The following FBXO10 variants were observed in gnomAD, a reference collection of about 807,000 sequenced individuals.
The protein encoded by FBXO10 is F-box protein 10.
FBXO10 carries 39 observed loss-of-function variants against 80.7 expected under a neutral mutation model. That is an observed-to-expected ratio of 0.48 (90% CI 0.37 to 0.63). The LOEUF (loss-of-function observed/expected upper bound fraction) is 0.63. Ranked by LOEUF, FBXO10 falls within the 30% of genes least tolerant of loss-of-function variation. The pLI, the probability that FBXO10 is intolerant of heterozygous loss-of-function variation, is 0.00. For synonymous variants in FBXO10, 449 were observed against 489.6 expected (o/e 0.92, Z 1.09); for missense variants, 1,025 against 1,269.0 (o/e 0.81, Z 2.92).
intron 1 of FBXO10, among the ~76,000 whole-genome samples, chr9:37,546,396 G>C (rs1471376722): frequency 6.6e-6 from 1 of 152,116 alleles, no homozygotes; most frequent in Non-Finnish European, 1.5e-5. Context: ...CTAGGCTGAA[G>C]GCTGGGCTGC....
chr9:37,544,642 T>G (rs1822006206), intron 1 of FBXO10, among the ~76,000 whole-genome samples: 1 of 152,126 alleles, frequency 6.6e-6, no homozygotes, highest in South Asian at 2.1e-4. Context: ...TTCTGCAGAT[T>G]TGTACTGGAG....
chr9:37,531,021 C>T (rs72739670), intron 4 of FBXO10, among the ~76,000 whole-genome samples: 432 of 152,318 alleles, frequency 2.8e-3, no homozygotes, highest in Non-Finnish European at 4.7e-3. Context: ...ATTCAAATCC[C>T]AGCTCTGTCA....
intron 10 of FBXO10, among the ~76,000 whole-genome samples, chr9:37,514,553 C>CG (rs1821136329): frequency 6.6e-6 from 1 of 151,692 alleles, no homozygotes; most frequent in African/African-American, 2.4e-5. Context: ...ATAGGTATAC[C>CG]GGTGAGGCGC....
intron 5 of FBXO10, among the ~76,000 whole-genome samples, chr9:37,526,824 TA>T (rs1469091971): frequency 1.5e-3 from 10 of 6,586 alleles, no homozygotes; most frequent in Admixed American, 8.5e-3. Flanking sequence ...TAAAATATTT[TA>T]TTTATTTATT....
At chr9:37,521,469 T>C in intron 8 of FBXO10, 100 bp downstream of exon 8, 1 of 1,340,558 alleles carries the variant, frequency 7.5e-7, no homozygotes. Context: ...AAAGTTTACT[T>C]TTAAATTTAA....
In FBXO10 at chr9:37,521,552, T is replaced by C; in HGVS notation, c.2200+17A>G. 6.4e-7 allele frequency: 1 copy of C among 1,571,932 alleles called. No homozygotes were observed. ...CCATGGAAGGTTCTTGAGCAGGGGC[T>C]GAGGGGGTATACTCACCTCCATTGT... On this transcript the variant is annotated intron_variant, in intron 8 of 10. Transcript: ENST00000432825.
intron 1 of FBXO10, among the ~76,000 whole-genome samples, chr9:37,556,684 C>T (rs922973283): frequency 6.6e-6 from 1 of 151,912 alleles, no homozygotes; most frequent in Non-Finnish European, 1.5e-5. Flanking sequence ...GCTGGGATTA[C>T]AGGTGTGTGC....
At position 37,522,811 on chromosome 9, in the gene FBXO10, A is replaced by G; in HGVS notation, c.1930+14T>C. 1 of 1,551,626 alleles carries G rather than the reference A, an allele frequency of 6.4e-7. No individual in the cohort carries two copies. The highest frequency in any genetic ancestry group is 8.7e-7 in the Non-Finnish European group (1 of 1,146,920). On this transcript the variant is annotated intron_variant, in intron 7 of 10. Coordinates refer to ENST00000432825, the MANE Select transcript of FBXO10 (RefSeq NM_012166.3). ...TTCCTGCCTCCCCGGCTGGGTTGGGAACAAGCTCCTCACCGTAGATGGTAT... is the reference window on the plus strand; with the variant it reads ...TTCCTGCCTCCCCGGCTGGGTTGGGGACAAGCTCCTCACCGTAGATGGTAT...
At chr9:37,568,441 G>A (rs140462864) in intron 1 of FBXO10, among the ~76,000 whole-genome samples, 1,579 of 152,114 alleles carry the variant, frequency 0.01, 22 homozygotes, top group African/African-American at 0.036. Flanking sequence ...CAGGCAAACC[G>A]CCCACCTCAG....
At chr9:37,564,722 A>G (rs887722777) in intron 1 of FBXO10, among the ~76,000 whole-genome samples, 4 of 152,230 alleles carry the variant, frequency 2.6e-5, no homozygotes, top group African/African-American at 7.2e-5. Flanking sequence ...TGGAGTGGGT[A>G]TATTTACCCA....
intron 1 of FBXO10, among the ~76,000 whole-genome samples, chr9:37,542,241 G>C (rs1821939002): frequency 6.6e-6 from 1 of 152,178 alleles, no homozygotes; most frequent in Non-Finnish European, 1.5e-5. Flanking sequence ...TCCTACTCTA[G>C]ATTTTTCCAC....
At chr9:37,555,670 T>C (rs555191531) in intron 1 of FBXO10, among the ~76,000 whole-genome samples, 1 of 152,096 alleles carries the variant, frequency 6.6e-6, no homozygotes, top group Admixed American at 6.6e-5. Flanking sequence ...CGTGAGCCAC[T>C]GCGCCTGGTC....
intron 1 of FBXO10, among the ~76,000 whole-genome samples, chr9:37,572,414 A>G (rs1224552015): frequency 6.6e-6 from 1 of 152,196 alleles, no homozygotes; most frequent in Non-Finnish European, 1.5e-5. Context: ...CAGAAACTAT[A>G]AGCAACTCAA....
In FBXO10 at chr9:37,532,788, C is replaced by G. The variant is rs567568437; in HGVS notation, c.1420-730G>C. 7.9e-5 allele frequency among the ~76,000 whole-genome samples: 12 copies of G among 152,322 alleles called. No homozygotes were observed. In the East Asian group the frequency reaches 2.3e-3, roughly 29 times the overall value. On this transcript the variant is annotated intron_variant, in intron 3 of 10. Coordinates refer to ENST00000432825, the MANE Select transcript of FBXO10 (RefSeq NM_012166.3). ...CTGAGTGGTCTTCAAACTTTACATG[C>G]ACTAAGTTTGCATGAAGATTTCCCC...
rs1042008798 is a variant in FBXO10 at position 37,512,686 on chromosome 9, C to T, written c.2732G>A (p.Arg911Gln). 5 of 1,613,932 alleles carry T rather than the reference C, an allele frequency of 3.1e-6. No homozygotes were observed. The highest frequency in any genetic ancestry group is 1.3e-5 in the African/African-American group (1 of 75,040). Residue 911 changes from arginine to glutamine, a missense_variant, in exon 11 of 11, where the codon CGG becomes CAG. Physicochemically the swap from Arg to Gln is conservative, Grantham distance 43 (BLOSUM62 1). This residue lies in a region of FBXO10 where 97 missense variants were observed against 101.8 expected (regional missense o/e 0.95). Coordinates refer to ENST00000432825, the MANE Select transcript of FBXO10 (RefSeq NM_012166.3). ...DTWRLVNPPA[R>Q]PHLENSLRRP... Reference sequence around the variant, plus strand: ...TCTGAGAGAATTTTCAAGGTGGGGCCGTGCTGGTGGGTTCACCAGGCGCCA... The same window carrying T: ...TCTGAGAGAATTTTCAAGGTGGGGCTGTGCTGGTGGGTTCACCAGGCGCCA...
rs768777612 is a variant in FBXO10, at chr9:37,521,731, C to A, written c.2038G>T (p.Asp680Tyr). Residue 680 changes from aspartate (D) to tyrosine (Y), a missense_variant, in exon 8 of 11, where the codon GAT becomes TAT. Physicochemically the swap from Asp to Tyr is radical, Grantham distance 160 (BLOSUM62 -3). This residue lies in a region of FBXO10 where 478 missense variants were observed against 667.8 expected (regional missense o/e 0.72). Transcript: ENST00000432825. Reference protein sequence around the residue: ...LYGVAVFSQKDGSSELPRGHR... With the variant: ...LYGVAVFSQKYGSSELPRGHR... ...CCTCGAGGTAACTCGCTGGAGCCATCCTTCTGGCTAAATACTGCCACTCCA... is the reference window on the plus strand; with the variant it reads ...CCTCGAGGTAACTCGCTGGAGCCATACTTCTGGCTAAATACTGCCACTCCA... The A allele has an allele frequency of 6.2e-7, 1 of 1,613,900 alleles. No homozygotes were observed. Among genetic ancestry groups the A allele is most frequent in the Non-Finnish European group, 8.5e-7 (1 of 1,179,894 alleles).
chr9:37,543,560 A>C (rs1455637930), intron 1 of FBXO10, among the ~76,000 whole-genome samples: 6 of 152,182 alleles, frequency 3.9e-5, no homozygotes, highest in African/African-American at 1.4e-4. Flanking sequence ...AGACACAGAA[A>C]AAAGCAGAGA....
chr9:37,521,865 C>T (rs1821356555), intron 7 of FBXO10, 27 bp from the exon 8 acceptor site: 5 of 1,537,720 alleles, frequency 3.3e-6, no homozygotes, highest in African/African-American at 1.4e-5. Flanking sequence ...AGCTGGTCAC[C>T]GACACTGAAC....
At chr9:37,567,376 C>T (rs989483674) in intron 1 of FBXO10, among the ~76,000 whole-genome samples, 2 of 151,484 alleles carry the variant, frequency 1.3e-5, no homozygotes, top group Non-Finnish European at 2.9e-5. Flanking sequence ...AAGTCCTGGG[C>T]TCAAGCGATC....
Sources: gnomAD v4.1 joint callset for allele counts (sites outside exome capture counted in the v4.1 genomes callset) on GRCh38, gnomAD v4.1.1 for gene constraint, gnomAD v4.1.1 regional missense constraint, MANE v1.5 for transcripts, NCBI Gene and HGNC (gene_info 2026-07-23, HGNC 2026-07-21) for gene names.